Variants in ANKH observed in about 807,000 individuals in gnomAD.
The protein encoded by ANKH is mineralization regulator ANKH.
In ANKH, 15 loss-of-function variants were observed where a neutral mutation model predicts 49.0. The ratio of observed to expected loss-of-function variants is 0.31; its 90% CI spans 0.20 to 0.47. The LOEUF (loss-of-function observed/expected upper bound fraction) is 0.47, where lower values mean the gene tolerates loss of function less well. Among genes scored for constraint, ANKH ranks in the 20% least tolerant of loss-of-function variants. ANKH has a pLI of 1.00. For missense variants in ANKH, 429 were observed against 652.0 expected, an observed-to-expected ratio of 0.66 and a Z score of 3.72; for synonymous variants, 273 against 260.0, an observed-to-expected ratio of 1.05 and a Z score of -0.48.
At chr5:14,733,667 T>A (rs1300368664) in intron 8 of ANKH, among the ~76,000 whole-genome samples, 1 of 152,220 alleles carries the variant, frequency 6.6e-6, no homozygotes, top group Non-Finnish European at 1.5e-5. Context: ...TTTGAGGTAT[T>A]TTGAGATCAT....
At chr5:14,718,227 G>A (rs1451667215) in intron 8 of ANKH, among the ~76,000 whole-genome samples, 1 of 152,030 alleles carries the variant, frequency 6.6e-6, no homozygotes, top group African/African-American at 2.4e-5. Flanking sequence ...CTAGTCTCCA[G>A]ATAAGGTAAA....
chr5:14,823,497 A>T (rs1310892423), intron 1 of ANKH, among the ~76,000 whole-genome samples: 2 of 152,242 alleles, frequency 1.3e-5, no homozygotes, highest in South Asian at 2.1e-4. Flanking sequence ...TGAGTGGGTG[A>T]TCCTTCTAGA....
chr5:14,716,216 TG>T (rs1737451353), intron 9 of ANKH, among the ~76,000 whole-genome samples: 2 of 152,298 alleles, frequency 1.3e-5, no homozygotes, highest in South Asian at 4.2e-4. Flanking sequence ...AAAAACAAGT[TG>T]TACGCCAGGT....
chr5:14,824,088 A>C (rs981650367), intron 1 of ANKH, among the ~76,000 whole-genome samples: 14 of 152,004 alleles, frequency 9.2e-5, no homozygotes, highest in African/African-American at 3.1e-4. Context: ...ACAAAAACCC[A>C]TCTCCATGAC....
chr5:14,735,902 A>T (rs1738163868), intron 8 of ANKH, among the ~76,000 whole-genome samples: 1 of 152,150 alleles, frequency 6.6e-6, no homozygotes, highest in South Asian at 2.1e-4. Context: ...AACCCATAAC[A>T]ATAAAATAGA....
At position 14,791,247 on chromosome 5, in the gene ANKH, C is replaced by T. The variant is rs551528900; in HGVS notation, c.97-22056G>A. On this transcript the variant is annotated intron_variant, in intron 1 of 11. Transcript: ENST00000284268. Reference sequence around the variant, plus strand: ...TGGAGAGGGATGTGAAGAACCTTAACTCTGGGGTGGGCGCATGAGCTCAGT... The same window carrying T: ...TGGAGAGGGATGTGAAGAACCTTAATTCTGGGGTGGGCGCATGAGCTCAGT... 4.6e-5 allele frequency among the ~76,000 whole-genome samples: 7 copies of T among 152,236 alleles called. No individual in the cohort carries two copies. In the South Asian group the frequency reaches 1.0e-3, roughly 23 times the overall value.
Position 14,838,386 on chromosome 5 carries a change from A to G in ANKH, c.96+32966T>C, listed in dbSNP as rs1182501567. 2.7e-5 allele frequency among the ~76,000 whole-genome samples: 4 copies of G among 150,898 alleles called. No individual in the cohort carries two copies. In the East Asian group the frequency reaches 7.7e-4, roughly 29 times the overall value. On this transcript the variant is annotated intron_variant, in intron 1 of 11. Transcript: ENST00000284268. ...TGTACCCTAAAACTTAAAGTATAAT[A>G]AAAATAATAATAAAATTATATATAT...
At chr5:14,830,525 G>C (rs1741473679) in intron 1 of ANKH, among the ~76,000 whole-genome samples, 1 of 151,644 alleles carries the variant, frequency 6.6e-6, no homozygotes, top group African/African-American at 2.4e-5. Flanking sequence ...GTGTGTGTGT[G>C]TGTGTGTGTG....
At chr5:14,781,968 G>C (rs966883014) in intron 1 of ANKH, among the ~76,000 whole-genome samples, 1 of 152,082 alleles carries the variant, frequency 6.6e-6, no homozygotes, top group Admixed American at 6.5e-5. Flanking sequence ...GATCCTGGGA[G>C]TCTTTTAACC....
chr5:14,782,959 A>G (rs1368408233), intron 1 of ANKH, among the ~76,000 whole-genome samples: 3 of 152,132 alleles, frequency 2.0e-5, no homozygotes, highest in African/African-American at 7.2e-5. Context: ...GGCAGAGTGT[A>G]TTATACAAGG....
intron 8 of ANKH, among the ~76,000 whole-genome samples, chr5:14,732,562 A>C (rs1353334301): frequency 1.3e-5 from 2 of 152,062 alleles, no homozygotes; most frequent in East Asian, 3.9e-4. Context: ...GTATATGTGC[A>C]GCCCTCTTTC....
chr5:14,845,366 A>ATATTT (rs1425131816), intron 1 of ANKH, among the ~76,000 whole-genome samples: 1 of 75,726 alleles, frequency 1.3e-5, no homozygotes, highest in Non-Finnish European at 3.0e-5. Flanking sequence ...ATATATATAT[A>ATATTT]TTTTTTTTTT....
chr5:14,849,776 C>T (rs1392374866), intron 1 of ANKH, among the ~76,000 whole-genome samples: 1 of 152,222 alleles, frequency 6.6e-6, no homozygotes, highest in African/African-American at 2.4e-5. Context: ...AGAATACACA[C>T]TTGTTAAGTC....
At chr5:14,728,629 T>C (rs964129225) in intron 8 of ANKH, among the ~76,000 whole-genome samples, 2 of 152,170 alleles carry the variant, frequency 1.3e-5, no homozygotes, top group Non-Finnish European at 2.9e-5. Flanking sequence ...ATATGGCCTT[T>C]AGCATCCGCC....
chr5:14,834,501 C>A (rs954330196), intron 1 of ANKH, among the ~76,000 whole-genome samples: 1 of 152,168 alleles, frequency 6.6e-6, no homozygotes, highest in African/African-American at 2.4e-5. Flanking sequence ...AAAGATCTGG[C>A]CGGGCGCAGT....
chr5:14,721,879 G>A (rs1323064171), intron 8 of ANKH, among the ~76,000 whole-genome samples: 2 of 125,850 alleles, frequency 1.6e-5, no homozygotes, highest in Non-Finnish European at 3.1e-5. Context: ...GCAGTGAGCT[G>A]AGATCATGCC....
chr5:14,740,403 G>A (rs1738316631), intron 8 of ANKH, among the ~76,000 whole-genome samples: 1 of 152,236 alleles, frequency 6.6e-6, no homozygotes, highest in Non-Finnish European at 1.5e-5. Context: ...ACCACAGAGA[G>A]AAATCATGCT....
chr5:14,733,338 C>T (rs1056357719), intron 8 of ANKH, among the ~76,000 whole-genome samples: 1 of 152,148 alleles, frequency 6.6e-6, no homozygotes, highest in African/African-American at 2.4e-5. Flanking sequence ...GTGGGACATC[C>T]GACCCAGAGC....
chr5:14,853,342 A>G (rs1169746458), intron 1 of ANKH, among the ~76,000 whole-genome samples: 1 of 152,116 alleles, frequency 6.6e-6, no homozygotes. Flanking sequence ...TTGAGAGGCC[A>G]AGGCAGGAGA....
Sources: gnomAD v4.1 joint callset for allele counts (sites outside exome capture counted in the v4.1 genomes callset) on GRCh38, gnomAD v4.1.1 for gene constraint, MANE v1.5 for transcripts, NCBI Gene and HGNC (gene_info 2026-07-23, HGNC 2026-07-21) for gene names.